PURG: variants seen among roughly 807,000 people sequenced by gnomAD.
PURG encodes the protein purine-rich element-binding protein gamma.
A neutral mutation model predicts 24.3 loss-of-function variants in PURG; 3 were observed. The observed-to-expected ratio is 0.12, with a 90% CI of 0.06 to 0.32. The LOEUF is 0.32. Among genes scored for constraint, PURG ranks in the 10% least tolerant of loss-of-function variants. The probability of loss-of-function intolerance (pLI) is 1.00; values close to 1 mark genes in which losing one functional copy is unlikely to be tolerated. For missense variants in PURG, 371 were observed against 439.1 expected (o/e 0.84, Z 1.39); for synonymous variants, 180 against 173.1 (o/e 1.04, Z -0.31).
At chr8:31,014,097 TA>T (rs1447355138) in intron 1 of PURG, among the ~76,000 whole-genome samples, 1 of 152,190 alleles carries the variant, frequency 6.6e-6, no homozygotes, top group Non-Finnish European at 1.5e-5. Context: ...AGCAGATCAT[TA>T]AAAAAATCTG....
At chr8:31,005,438 C>CAA (rs55751618) in intron 1 of PURG, among the ~76,000 whole-genome samples, 115 of 135,172 alleles carry the variant, frequency 8.5e-4, no homozygotes, top group Admixed American at 2.0e-3. Flanking sequence ...GTCACCAAAA[C>CAA]AAAAAAAAAA....
chr8:31,015,147 T>C (rs182964244), intron 1 of PURG, among the ~76,000 whole-genome samples: 49 of 152,284 alleles, frequency 3.2e-4, no homozygotes, highest in Admixed American at 2.8e-3. Context: ...GTAATGGTAG[T>C]TGCCAGGCTT....
rs1314804534 is a variant in PURG at position 31,032,027 on chromosome 8, T to G, written c.756A>C (p.Arg252Ser). Reference protein sequence around the residue: ...DYGEGDIEERRGGDDDPLELP... With the variant: ...DYGEGDIEERSGGDDDPLELP... ...GTTCAAGCGGGTCATCGTCTCCACCTCTTCGTTCTTCTATGTCTCCTTCGC... is the reference window on the plus strand; with the variant it reads ...GTTCAAGCGGGTCATCGTCTCCACCGCTTCGTTCTTCTATGTCTCCTTCGC... The change falls in exon 2 of 2, where the codon AGA becomes AGC. Residue 252 changes from arginine to serine, a missense_variant. Coordinates refer to ENST00000523392, the MANE Select transcript of PURG (RefSeq NM_001323311.2). This position sits in a 1 kb window ranked among gnomAD's most constrained non-coding sequence, Gnocchi z 5.9. 6.2e-7 allele frequency: 1 copy of G among 1,614,172 alleles called. No individual in the cohort carries two copies. Among genetic ancestry groups the G allele is most frequent in the Non-Finnish European group, 8.5e-7 (1 of 1,180,032 alleles).
intron 1 of PURG, among the ~76,000 whole-genome samples, chr8:30,999,269 C>G (rs918931140): frequency 6.6e-6 from 1 of 151,656 alleles, no homozygotes; most frequent in African/African-American, 2.4e-5. Flanking sequence ...CCAATGAAAA[C>G]TAATTAAAAA....
intron 1 of PURG, among the ~76,000 whole-genome samples, chr8:31,013,171 A>T (rs982168594): frequency 1.3e-5 from 2 of 152,348 alleles, no homozygotes; most frequent in African/African-American, 4.8e-5. Flanking sequence ...GTCATTAAAT[A>T]TAATATTTGG....
intron 1 of PURG, among the ~76,000 whole-genome samples, chr8:31,020,154 C>T (rs998434422): frequency 6.6e-6 from 1 of 152,090 alleles, no homozygotes; most frequent in African/African-American, 2.4e-5. Context: ...TATATAGTTC[C>T]TCCATTCTAT....
At position 31,032,031 on chromosome 8, in the gene PURG, C is replaced by T. The variant is rs771968873; in HGVS notation, c.752G>A (p.Arg251Gln). Reference protein sequence around the residue: ...EDYGEGDIEERRGGDDDPLEL... With the variant: ...EDYGEGDIEEQRGGDDDPLEL... ...AAGCGGGTCATCGTCTCCACCTCTT[C>T]GTTCTTCTATGTCTCCTTCGCCATA... Residue 251 changes from arginine (R) to glutamine (Q), a missense_variant, in exon 2 of 2, where the codon CGA becomes CAA. Physicochemically the swap from Arg to Gln is conservative, Grantham distance 43. Coordinates refer to ENST00000523392, the MANE Select transcript of PURG (RefSeq NM_001323311.2). This position sits in a 1 kb window ranked among gnomAD's most constrained non-coding sequence, Gnocchi z 5.9. The T allele has an allele frequency of 3.7e-6, 6 of 1,614,166 alleles. No individual in the cohort carries two copies. The highest frequency in any genetic ancestry group is 3.3e-5 in the South Asian group (3 of 91,080).
intron 1 of PURG, among the ~76,000 whole-genome samples, chr8:31,000,590 G>A (rs990670579): frequency 6.6e-6 from 1 of 152,094 alleles, no homozygotes; most frequent in African/African-American, 2.4e-5. Context: ...GCTAAACTCT[G>A]CGGTGTAGTG....
chr8:31,006,065 A>ATGAC (rs1415306516), intron 1 of PURG, among the ~76,000 whole-genome samples: 2 of 152,154 alleles, frequency 1.3e-5, no homozygotes, highest in Non-Finnish European at 1.5e-5. Context: ...AGCCTAACTT[A>ATGAC]TGACTACCTT....
intron 1 of PURG, among the ~76,000 whole-genome samples, chr8:31,012,657 A>C (rs1810784356): frequency 6.6e-6 from 1 of 152,264 alleles, no homozygotes; most frequent in Admixed American, 6.5e-5. Context: ...CTTAGAGATC[A>C]TCACTCTGAT....
rs750780650 is a variant in PURG, at chr8:31,031,971, T to C, written c.812A>G (p.Asn271Ser). 1 of 1,614,168 alleles carries C rather than the reference T, an allele frequency of 6.2e-7. No individual in the cohort carries two copies. Among genetic ancestry groups the C allele is most frequent in the South Asian group, 1.1e-5 (1 of 91,084 alleles). The change falls in exon 2 of 2, where the codon AAT becomes AGT. Residue 271 changes from asparagine to serine, a missense_variant. Coordinates refer to ENST00000523392, the MANE Select transcript of PURG (RefSeq NM_001323311.2). ...GCCCACATCAAAGTAGAACCTTTTA[T>C]TGTCCACTCTGAAAGAAGTCCCCTC... ...LPEGTSFRVD[N>S]KRFYFDVGSN...
downstream of PURG, chr8:31,030,831 A>C (rs1233626058): frequency 6.6e-6 from 1 of 152,032 alleles, no homozygotes; most frequent in Non-Finnish European, 1.5e-5. Context: ...GTTAAAGAAG[A>C]AGCATAAAGT....
intron 1 of PURG, among the ~76,000 whole-genome samples, chr8:31,021,188 G>A (rs1243583904): frequency 6.6e-6 from 1 of 152,148 alleles, no homozygotes; most frequent in African/African-American, 2.4e-5. Context: ...GCAGGAAAAA[G>A]TTGTAAGAAA....
At chr8:31,023,625 T>G (rs1337744992) in intron 1 of PURG, among the ~76,000 whole-genome samples, 1 of 152,080 alleles carries the variant, frequency 6.6e-6, no homozygotes, top group Non-Finnish European at 1.5e-5. Flanking sequence ...GCTTCTTCTC[T>G]TTTCCAATCA....
At chr8:31,008,601 T>C (rs1233585826) in intron 1 of PURG, among the ~76,000 whole-genome samples, 1 of 152,114 alleles carries the variant, frequency 6.6e-6, no homozygotes, top group Non-Finnish European at 1.5e-5. Context: ...TGCACCTGGT[T>C]GCATTTAACT....
Position 31,033,109 on chromosome 8 carries a change from C to A in PURG, c.-38G>T. ...TCTGCCATCACCGCCGCCGCCGATGCCCTTCACGACCACCGCCGCCGCCAC... is the reference window on the plus strand; with the variant it reads ...TCTGCCATCACCGCCGCCGCCGATGACCTTCACGACCACCGCCGCCGCCAC... On this transcript the variant is annotated 5_prime_UTR_variant, in exon 1 of 2. Coordinates refer to ENST00000523392, the MANE Select transcript of PURG (RefSeq NM_001323311.2). The A allele has an allele frequency of 8.9e-6, 2 of 223,882 alleles. No homozygotes were observed. Among genetic ancestry groups the A allele is most frequent in the East Asian group, 7.8e-5 (1 of 12,780 alleles). The allele number at this position is 223,882 out of a possible 1,614,324, so 13.9% of individuals were successfully genotyped here. A position where few individuals can be genotyped will look rare whatever the true frequency, so the allele number is the denominator to read the frequency against.
At chr8:31,016,845 G>A (rs1185762831) in intron 1 of PURG, among the ~76,000 whole-genome samples, 1 of 152,084 alleles carries the variant, frequency 6.6e-6, no homozygotes, top group African/African-American at 2.4e-5. Context: ...TCATTTTAAT[G>A]GGGGTTAGAA....
At chr8:31,019,522 G>C (rs906862243) in intron 1 of PURG, among the ~76,000 whole-genome samples, 4 of 150,804 alleles carry the variant, frequency 2.7e-5, no homozygotes, top group African/African-American at 4.9e-5. Context: ...TAGTAGAGAC[G>C]GGGTTTCACT....
rs35547342 is a variant in PURG, at chr8:31,032,561, T to C, written c.222A>G (p.Leu74=). The part of the protein sequence containing the change: ...RVDIQKKRFY[L]DVKQSSRGRF... ...GGCCCCGGGAGCTTTGCTTCACGTCTAGGTAAAACCTCTTTTTCTGGATGT... is the reference window on the plus strand; with the variant it reads ...GGCCCCGGGAGCTTTGCTTCACGTCCAGGTAAAACCTCTTTTTCTGGATGT... Residue 74 remains leucine, a synonymous_variant, in exon 2 of 2, where the codon CTA becomes CTG. Coordinates refer to ENST00000523392, the MANE Select transcript of PURG (RefSeq NM_001323311.2). The surrounding 1 kb of genome is among the most constrained non-coding windows in gnomAD (Gnocchi z 5.9). 3.3e-5 allele frequency: 54 copies of C among 1,613,916 alleles called. No individual in the cohort carries two copies. In the African/African-American group the frequency reaches 3.9e-4, roughly 12 times the overall value.
Sources: gnomAD v4.1 joint callset for allele counts (sites outside exome capture counted in the v4.1 genomes callset) on GRCh38, gnomAD v4.1.1 for gene constraint, Gnocchi (gnomAD v3.1) non-coding constraint, MANE v1.5 for transcripts, NCBI Gene and HGNC (gene_info 2026-07-23, HGNC 2026-07-21) for gene names.